Variants in CACNA2D4 observed in about 807,000 individuals in gnomAD.
CACNA2D4 encodes the protein voltage-dependent calcium channel subunit alpha-2/delta-4.
In CACNA2D4, 157 loss-of-function variants were observed where a neutral mutation model predicts 163.8. The ratio of observed to expected loss-of-function variants is 0.96; its 90% CI spans 0.84 to 1.09. CACNA2D4 has a LOEUF of 1.09. Ranked by LOEUF, CACNA2D4 falls within the 50% of genes least tolerant of loss-of-function variation. The pLI, the probability that CACNA2D4 is intolerant of heterozygous loss-of-function variation, is 0.00. For synonymous variants in CACNA2D4, 598 were observed against 586.9 expected (o/e 1.02, Z -0.27); for missense variants, 1,410 against 1,479.9 (o/e 0.95, Z 0.78).
At chr12:1,914,419 T>C (rs1425147084) in intron 2 of CACNA2D4, among the ~76,000 whole-genome samples, 2 of 152,134 alleles carry the variant, frequency 1.3e-5, no homozygotes, top group African/African-American at 4.8e-5. Flanking sequence ...GCTGGAGGTA[T>C]GGGAGGTCTC....
chr12:1,807,046 C>A (rs967036168), intron 29 of CACNA2D4, among the ~76,000 whole-genome samples: 6 of 151,934 alleles, frequency 3.9e-5, no homozygotes, highest in Admixed American at 3.3e-4. Flanking sequence ...TAAGCCCCTC[C>A]TCTTGAGTAT....
intron 6 of CACNA2D4, among the ~76,000 whole-genome samples, chr12:1,892,126 G>C (rs1453974372): frequency 2.3e-5 from 3 of 132,408 alleles, no homozygotes. Context: ...ACTGTAAAAA[G>C]TTAAGGACAA....
intron 28 of CACNA2D4, 69 bp from the exon 29 acceptor site, chr12:1,810,409 C>A: frequency 6.4e-7 from 1 of 1,553,430 alleles, no homozygotes; most frequent in Non-Finnish European, 8.9e-7. Context: ...GCCTGTCCCC[C>A]AGCTCTGGAA....
In CACNA2D4 at chr12:1,846,821, G is replaced by A. The variant is rs942782618; in HGVS notation, c.2247-132C>T. 22 of 757,912 alleles carry A rather than the reference G, an allele frequency of 2.9e-5. 2 individuals carry two copies. The South Asian group carries it at 3.2e-4, about 11-fold the overall frequency. 46.9% of individuals were successfully genotyped at this position (757,912 alleles called of 1,614,324 possible). A position where few individuals can be genotyped will look rare whatever the true frequency, so the allele number is the denominator to read the frequency against. ...CAGGGAAGACTTTCCAGGAAGGCTG[G>A]GTTCCTGGGAAGGGGCCGGGACACG... On this transcript the variant is annotated intron_variant, in intron 23 of 37. Transcript: ENST00000382722.
chr12:1,909,192 TTATTTATTTA>T (rs981781073), intron 4 of CACNA2D4, among the ~76,000 whole-genome samples: 15 of 152,098 alleles, frequency 9.9e-5, no homozygotes, highest in African/African-American at 3.6e-4. Flanking sequence ...ATTTATTTGT[TTATTTATTTA>T]TTTATTTGAG....
chr12:1,839,043 C>T (rs893400815), intron 26 of CACNA2D4, among the ~76,000 whole-genome samples: 2 of 152,226 alleles, frequency 1.3e-5, no homozygotes, highest in Non-Finnish European at 2.9e-5. Flanking sequence ...ATTCTCCCCC[C>T]GTCGCTTATC....
At chr12:1,832,382 C>T (rs1170324127) in intron 26 of CACNA2D4, among the ~76,000 whole-genome samples, 1 of 152,178 alleles carries the variant, frequency 6.6e-6, no homozygotes, top group East Asian at 1.9e-4. Flanking sequence ...TTGAGAGGTG[C>T]CCAGCACAAA....
Position 1,834,737 on chromosome 12 carries a change from CGGCCAGGTAGGAAGGGCGGGGA to C in CACNA2D4, c.2551+5980_2551+6001del, listed in dbSNP as rs1565699739. ...TGTGGCCTGAGCGCCCATCCCCACC[CGGCCAGGTAGGAAGGGCGGGGA>C]GAGCACACGGCATTGCTCAGCCACA... On this transcript the variant is annotated intron_variant, in intron 26 of 37. Transcript: ENST00000382722. The surrounding 1 kb of genome is among the most constrained non-coding windows in gnomAD (Gnocchi z 7.6). 19 of 1,571,332 alleles carry C rather than the reference CGGCCAGGTAGGAAGGGCGGGGA, an allele frequency of 1.2e-5. No homozygotes were observed. The highest frequency in any genetic ancestry group is 1.6e-5 in the Non-Finnish European group (18 of 1,160,406).
chr12:1,856,038 A>G lies in CACNA2D4; in HGVS notation c.2126T>C (p.Leu709Pro). The G allele has an allele frequency of 6.2e-7, 1 of 1,613,918 alleles. No individual in the cohort carries two copies. The highest frequency in any genetic ancestry group is 8.5e-7 in the Non-Finnish European group (1 of 1,179,814). The change falls in exon 22 of 38, where the codon CTC (leucine) becomes CCC (proline). Residue 709 changes from leucine (L) to proline (P), a missense_variant. By Grantham distance (98) the Leu-to-Pro change is moderately conservative. Coordinates refer to ENST00000382722, the MANE Select transcript of CACNA2D4 (RefSeq NM_172364.5). ...CTCCAGGTCTGGGTCCTTCCTGGTG[A>G]GGAAGCGGATCATGGCCTCTAGCTG... is the stretch of plus-strand genomic sequence containing the variant. ...LSQLEAMIRF[L>P]TRKDPDLECD... is the part of the protein sequence containing the mutation.
intron 6 of CACNA2D4, among the ~76,000 whole-genome samples, chr12:1,898,990 G>A (rs1271250007): frequency 6.6e-6 from 1 of 152,102 alleles, no homozygotes; most frequent in Non-Finnish European, 1.5e-5. Flanking sequence ...AAGAGTTTTG[G>A]AGATGGATGG....
chr12:1,808,462 T>C (rs1863610597), intron 29 of CACNA2D4, among the ~76,000 whole-genome samples: 1 of 152,250 alleles, frequency 6.6e-6, no homozygotes, highest in Non-Finnish European at 1.5e-5. Flanking sequence ...GCCACCTGCA[T>C]TTGCTCACAG....
rs550981918 is a variant in CACNA2D4, at chr12:1,869,651, C to T, written c.1878+4953G>A. 2.0e-5 allele frequency among the ~76,000 whole-genome samples: 3 copies of T among 152,306 alleles called. No homozygotes were observed. In the South Asian group the frequency reaches 6.2e-4, roughly 32 times the overall value. The stretch of plus-strand genomic sequence containing the variant: ...TGACCTACAATGACTTCAAGCTCAC[C>T]ATTGGATGCAGACACCAGCTTTCCA... On this transcript the variant is annotated intron_variant, in intron 18 of 37. Coordinates refer to ENST00000382722, the MANE Select transcript of CACNA2D4 (RefSeq NM_172364.5). The surrounding 1 kb of genome is among the most constrained non-coding windows in gnomAD (Gnocchi z 4.7).
chr12:1,879,014 C>G lies in CACNA2D4; in HGVS notation c.1586G>C (p.Gly529Ala), dbSNP rs915124506. 1.2e-6 allele frequency: 2 copies of G among 1,613,746 alleles called. No individual in the cohort carries two copies. Among genetic ancestry groups the G allele is most frequent in the African/African-American group, 2.7e-5 (2 of 74,916 alleles). Residue 529 changes from glycine (G) to alanine (A), a missense_variant, in exon 15 of 38, where the codon GGT (glycine) becomes GCT (alanine). Physicochemically the swap from Gly to Ala is moderately conservative, Grantham distance 60 (BLOSUM62 0). Coordinates refer to ENST00000382722, the MANE Select transcript of CACNA2D4 (RefSeq NM_172364.5). ...CAGGGCCACATCTGAGCCCACCACA[C>G]CCAGGAGAATGCCATGGGATCGCTG... is the stretch of plus-strand genomic sequence containing the variant. ...NETRSHGILLGVVGSDVALRE... is the reference protein window; with the variant it reads ...NETRSHGILLAVVGSDVALRE...
intron 6 of CACNA2D4, among the ~76,000 whole-genome samples, chr12:1,897,909 A>T (rs1261429960): frequency 6.6e-6 from 1 of 152,230 alleles, no homozygotes; most frequent in East Asian, 1.9e-4. Flanking sequence ...ATGAGAGCAC[A>T]CATATTCTTC....
rs1377895837 is a variant in CACNA2D4, at chr12:1,834,965, GA to G, written c.2551+5773del. 3.3e-5 allele frequency: 22 copies of G among 674,528 alleles called. No individual in the cohort carries two copies. In the Admixed American group the frequency reaches 5.5e-4, roughly 17 times the overall value. 41.8% of individuals were successfully genotyped at this position (674,528 alleles called of 1,614,324 possible). A position where few individuals can be genotyped will look rare whatever the true frequency, so the allele number is the denominator to read the frequency against. The stretch of plus-strand genomic sequence containing the variant: ...CAGTAAATCTTTGGAACATGTGGGG[GA>G]TCTCCCTAAGCTCTGGCCACAGCAA... On this transcript the variant is annotated intron_variant, in intron 26 of 37. Transcript: ENST00000382722. This position sits in a 1 kb window ranked among gnomAD's most constrained non-coding sequence, Gnocchi z 7.6.
chr12:1,864,042 C>T (rs747983406), intron 18 of CACNA2D4, among the ~76,000 whole-genome samples: 20 of 152,254 alleles, frequency 1.3e-4, no homozygotes, highest in African/African-American at 1.4e-4. Context: ...GGGCCCATCC[C>T]GTCCAAAGAC....
chr12:1,803,434 C>A (rs1863405744), intron 29 of CACNA2D4, among the ~76,000 whole-genome samples: 2 of 152,248 alleles, frequency 1.3e-5, no homozygotes, highest in African/African-American at 2.4e-5. Context: ...GATGCGCCCA[C>A]ACCAGGAATC....
Position 1,886,319 on chromosome 12 carries a change from G to C in CACNA2D4, c.897C>G (p.Ser299Arg). The C allele has an allele frequency of 5.6e-6, 9 of 1,613,704 alleles. No homozygotes were observed. Among genetic ancestry groups the C allele is most frequent in the Non-Finnish European group, 7.6e-6 (9 of 1,179,682 alleles). Residue 299 changes from serine (S) to arginine (R), a missense_variant, in exon 8 of 38, where the codon AGC becomes AGG. Transcript: ENST00000382722. ...PKDIVILVDV[S>R]GSMKGLRMTI... ...TCATCCTCAGCCCCTTCATACTGCCGCTCACGTCCACCAAAATCACTATGT... is the reference window on the plus strand; with the variant it reads ...TCATCCTCAGCCCCTTCATACTGCCCCTCACGTCCACCAAAATCACTATGT...
chr12:1,795,395 T>C lies in CACNA2D4; in HGVS notation c.3227-14A>G. On this transcript the variant is annotated splice_polypyrimidine_tract_variant and intron_variant, in intron 36 of 37. Coordinates refer to ENST00000382722, the MANE Select transcript of CACNA2D4 (RefSeq NM_172364.5). ...CAGAGGCATTATGTGCAGAAGCCACTGTTAAGGTCAATATCTCAGGACCGG... is the reference window on the plus strand; with the variant it reads ...CAGAGGCATTATGTGCAGAAGCCACCGTTAAGGTCAATATCTCAGGACCGG... 6.2e-7 allele frequency: 1 copy of C among 1,607,300 alleles called. No homozygotes were observed. The highest frequency in any genetic ancestry group is 8.5e-7 in the Non-Finnish European group (1 of 1,178,758).
Sources: gnomAD v4.1 joint callset for allele counts (sites outside exome capture counted in the v4.1 genomes callset) on GRCh38, gnomAD v4.1.1 for gene constraint, Gnocchi (gnomAD v3.1) non-coding constraint, MANE v1.5 for transcripts, NCBI Gene and HGNC (gene_info 2026-07-23, HGNC 2026-07-21) for gene names.